STXBP6: variants seen among roughly 807,000 people sequenced by gnomAD.
The protein encoded by STXBP6 is syntaxin-binding protein 6.
In STXBP6, 21 loss-of-function variants were observed where a neutral mutation model predicts 26.9. That is an observed-to-expected ratio of 0.78 (90% confidence interval 0.55 to 1.12). STXBP6 has a LOEUF of 1.12. Ranked by LOEUF, STXBP6 falls within the 50% of genes most tolerant of loss-of-function variation. The pLI, the probability that STXBP6 is intolerant of heterozygous loss-of-function variation, is 0.00. For synonymous variants in STXBP6, 97 were observed against 92.6 expected, an observed-to-expected ratio of 1.05 and a Z score of -0.27; for missense variants, 232 against 257.9, an observed-to-expected ratio of 0.90 and a Z score of 0.69.
At chr14:24,995,874 CT>C (rs2074589314) in intron 1 of STXBP6, among the ~76,000 whole-genome samples, 1 of 152,144 alleles carries the variant, frequency 6.6e-6, no homozygotes, top group Non-Finnish European at 1.5e-5. Context: ...AGTAAACTTA[CT>C]TTATTACTGT....
At chr14:24,844,231 G>A (rs1396377829) in intron 4 of STXBP6, among the ~76,000 whole-genome samples, 1 of 152,194 alleles carries the variant, frequency 6.6e-6, no homozygotes, top group Non-Finnish European at 1.5e-5. Flanking sequence ...GGACTCTTCT[G>A]GACCTTGCCC....
chr14:24,901,525 C>T (rs561045420), intron 2 of STXBP6, among the ~76,000 whole-genome samples: 2 of 152,114 alleles, frequency 1.3e-5, no homozygotes, highest in Non-Finnish European at 2.9e-5. Context: ...ATCTGTGTAC[C>T]TGGGAGAAAT....
chr14:24,957,290 C>T (rs1349580437), intron 2 of STXBP6, among the ~76,000 whole-genome samples: 1 of 152,170 alleles, frequency 6.6e-6, no homozygotes, highest in Non-Finnish European at 1.5e-5. Context: ...AGCATCTAGC[C>T]TTGGTTTAAA....
intron 2 of STXBP6, among the ~76,000 whole-genome samples, chr14:24,900,821 A>ATAT (rs1409787980): frequency 1.3e-5 from 2 of 152,374 alleles, no homozygotes; most frequent in African/African-American, 4.8e-5. Context: ...CCTATAAGGC[A>ATAT]AATACAGTGT....
At chr14:24,911,874 G>A (rs2071587084) in intron 2 of STXBP6, among the ~76,000 whole-genome samples, 1 of 152,078 alleles carries the variant, frequency 6.6e-6, no homozygotes, top group African/African-American at 2.4e-5. Flanking sequence ...TTTTTAAATT[G>A]AAATCAGCCT....
In STXBP6 at chr14:24,859,472, A is replaced by C. The variant is rs540614947; in HGVS notation, c.155-2315T>G. Among the ~76,000 whole-genome samples the C allele has an allele frequency of 2.4e-4, 36 of 152,214 alleles. No individual in the cohort carries two copies. In the East Asian group the frequency reaches 3.9e-3, roughly 16 times the overall value. On this transcript the variant is annotated intron_variant, in intron 2 of 5. Coordinates refer to ENST00000323944, the MANE Select transcript of STXBP6 (RefSeq NM_001394410.1). ...CCCCTTCTGAAATCAAAACACTTGC[A>C]CACACACACACCATTGCCAGACTTT... is the stretch of plus-strand genomic sequence containing the variant.
intron 1 of STXBP6, among the ~76,000 whole-genome samples, chr14:25,048,331 C>A (rs1034900735): frequency 1.3e-5 from 2 of 152,192 alleles, no homozygotes; most frequent in Non-Finnish European, 2.9e-5. Flanking sequence ...CGATTATCTC[C>A]GTTTGACAGA....
At chr14:24,999,256 G>T (rs2074687410) in intron 1 of STXBP6, among the ~76,000 whole-genome samples, 1 of 152,034 alleles carries the variant, frequency 6.6e-6, no homozygotes, top group Non-Finnish European at 1.5e-5. Context: ...TCAGACTGCA[G>T]AAAACCAAGA....
intron 1 of STXBP6, among the ~76,000 whole-genome samples, chr14:25,018,180 TC>T (rs2075191563): frequency 6.6e-6 from 1 of 152,124 alleles, no homozygotes; most frequent in Non-Finnish European, 1.5e-5. Context: ...AAATAGGACT[TC>T]CGGAGATTCT....
In STXBP6 at chr14:24,904,489, G is replaced by C. The variant is rs573712870; in HGVS notation, c.155-47332C>G. 1.4e-3 allele frequency among the ~76,000 whole-genome samples: 214 copies of C among 152,254 alleles called. 1 individual carries two copies. Among genetic ancestry groups the C allele is most frequent in the African/African-American group, 4.8e-3 (200 of 41,544 alleles). ...CCAACCTAATACCTATTATATATCT[G>C]TTCTGGACTAAAGTGTGTCCCCCCA... On this transcript the variant is annotated intron_variant, in intron 2 of 5. Transcript: ENST00000323944.
At chr14:24,838,132 T>G (rs1179623153) in intron 4 of STXBP6, among the ~76,000 whole-genome samples, 1 of 152,206 alleles carries the variant, frequency 6.6e-6, no homozygotes, top group Non-Finnish European at 1.5e-5. Flanking sequence ...CACCTCAGCC[T>G]CCCAAGTAGC....
chr14:25,030,253 C>T (rs1169421108), intron 1 of STXBP6, among the ~76,000 whole-genome samples: 6 of 152,204 alleles, frequency 3.9e-5, no homozygotes, highest in Admixed American at 2.6e-4. Context: ...TCTTCCATGC[C>T]TGTCTGCTCA....
At chr14:24,984,191 G>C (rs11849185) in intron 1 of STXBP6, among the ~76,000 whole-genome samples, 1 of 152,012 alleles carries the variant, frequency 6.6e-6, no homozygotes, top group South Asian at 2.1e-4. Flanking sequence ...GAGATCGTGC[G>C]ACTGCACTCC....
chr14:24,989,880 A>G (rs1736300814), intron 1 of STXBP6, among the ~76,000 whole-genome samples: 1 of 152,076 alleles, frequency 6.6e-6, no homozygotes, highest in Non-Finnish European at 1.5e-5. Flanking sequence ...GATACGCCTC[A>G]CCTTTATACG....
chr14:24,834,759 G>C lies in STXBP6; in HGVS notation c.452-15565C>G, dbSNP rs530801722. Among the ~76,000 whole-genome samples, 5 of 152,162 alleles carry C rather than the reference G, an allele frequency of 3.3e-5. No homozygotes were observed. The South Asian group carries it at 1.0e-3, about 32-fold the overall frequency. ...TGGGAATGGAAAAGAAGAGTTTTAAGAGACACTGAGGGAGACCTGTGGGGG... is the reference window on the plus strand; with the variant it reads ...TGGGAATGGAAAAGAAGAGTTTTAACAGACACTGAGGGAGACCTGTGGGGG... On this transcript the variant is annotated intron_variant, in intron 4 of 5. Coordinates refer to ENST00000323944, the MANE Select transcript of STXBP6 (RefSeq NM_001394410.1).
intron 2 of STXBP6, among the ~76,000 whole-genome samples, chr14:24,908,003 T>A (rs980897480): frequency 1.2e-4 from 19 of 152,098 alleles, no homozygotes; most frequent in African/African-American, 4.3e-4. Context: ...CTCCCTGAGT[T>A]CCAGGTTGCA....
At chr14:24,884,836 A>T (rs1347961976) in intron 2 of STXBP6, among the ~76,000 whole-genome samples, 2 of 152,246 alleles carry the variant, frequency 1.3e-5, no homozygotes, top group Admixed American at 1.3e-4. Context: ...TGAAATGCTG[A>T]ATTATAAAGC....
intron 2 of STXBP6, among the ~76,000 whole-genome samples, chr14:24,867,233 G>A (rs1210181076): frequency 6.6e-6 from 1 of 152,132 alleles, no homozygotes; most frequent in Non-Finnish European, 1.5e-5. Context: ...TCTCTCTGGA[G>A]GATGCAGCAT....
At chr14:25,025,792 C>T (rs995667684) in intron 1 of STXBP6, among the ~76,000 whole-genome samples, 1 of 152,156 alleles carries the variant, frequency 6.6e-6, no homozygotes, top group African/African-American at 2.4e-5. Flanking sequence ...TTTGGAGTCC[C>T]TTAAAATGAA....
Sources: gnomAD v4.1 joint callset for allele counts (sites outside exome capture counted in the v4.1 genomes callset) on GRCh38, gnomAD v4.1.1 for gene constraint, MANE v1.5 for transcripts, NCBI Gene and HGNC (gene_info 2026-07-23, HGNC 2026-07-21) for gene names.